PECR: variants seen among roughly 807,000 people sequenced by gnomAD.
The protein encoded by PECR is 2,4-dienoyl-CoA reductase-related protein.
PECR carries 30 observed loss-of-function variants against 35.3 expected under a neutral mutation model. The observed-to-expected ratio is 0.85, with a 90% CI of 0.64 to 1.15. The LOEUF (loss-of-function observed/expected upper bound fraction) is 1.15. PECR is among the 50% of genes most tolerant of loss of function. PECR has a pLI of 0.00. For missense variants in PECR, 392 were observed against 370.8 expected (o/e 1.06, Z -0.47); for synonymous variants, 148 against 138.9 (o/e 1.07, Z -0.46).
At chr2:216,034,138 G>C (rs1179113839), downstream of PECR, 2 of 152,206 alleles carry the variant, frequency 1.3e-5, no homozygotes, top group Non-Finnish European at 2.9e-5. Context: ...CCACTGCCCA[G>C]ACAGGCTGGT....
At chr2:216,035,075 A>G (rs760845268), downstream of PECR, among the ~76,000 whole-genome samples, 10 of 152,168 alleles carry the variant, frequency 6.6e-5, no homozygotes, top group Non-Finnish European at 1.2e-4. Context: ...CAGGACGGCC[A>G]GTCGACAAGT....
intron 4 of PECR, among the ~76,000 whole-genome samples, chr2:216,053,938 T>C (rs1312469399): frequency 6.6e-6 from 1 of 152,198 alleles, no homozygotes; most frequent in African/African-American, 2.4e-5. Flanking sequence ...CTTCCTGGTG[T>C]ATTGTTTTTC....
intron 4 of PECR, among the ~76,000 whole-genome samples, chr2:216,051,998 C>A (rs558812068): frequency 3.9e-4 from 60 of 152,230 alleles, no homozygotes; most frequent in African/African-American, 1.4e-3. Context: ...ACCAGCCTGG[C>A]CAACATGGTG....
intron 7 of PECR, 122 bp downstream of exon 7, chr2:216,043,782 G>T: frequency 1.5e-6 from 1 of 672,048 alleles, no homozygotes; most frequent in Non-Finnish European, 2.8e-6. Context: ...TAAACATTTT[G>T]TACATTTTGA....
intron 1 of PECR, among the ~76,000 whole-genome samples, chr2:216,075,062 G>A (rs184330243): frequency 1.4e-3 from 209 of 152,258 alleles, no homozygotes; most frequent in South Asian, 2.1e-3. Flanking sequence ...TTGGAGAGTC[G>A]CTTGTGGTGA....
chr2:216,040,935 A>G (rs1034206356), intron 7 of PECR, among the ~76,000 whole-genome samples: 1 of 152,190 alleles, frequency 6.6e-6, no homozygotes, highest in Non-Finnish European at 1.5e-5. Context: ...TATGAAATAA[A>G]TACTGTATGT....
At chr2:216,050,229 TA>T (rs989757221) in intron 5 of PECR, among the ~76,000 whole-genome samples, 31 of 150,660 alleles carry the variant, frequency 2.1e-4, no homozygotes, top group African/African-American at 6.1e-4. Context: ...CTCAAACATT[TA>T]AAAAAAAAAT....
intron 6 of PECR, among the ~76,000 whole-genome samples, chr2:216,048,384 TAAAA>T (rs71047969): frequency 2.3e-5 from 3 of 132,890 alleles, no homozygotes; most frequent in Admixed American, 7.7e-5. Context: ...CTTGTTTTCT[TAAAA>T]AAAAAAAAAA....
At chr2:216,051,699 GA>G (rs1331456001) in intron 4 of PECR, among the ~76,000 whole-genome samples, 154 bp from the exon 5 acceptor site, 1 of 152,138 alleles carries the variant, frequency 6.6e-6, no homozygotes, top group African/African-American at 2.4e-5. Context: ...AAACAACGAA[GA>G]AAAAACTATG....
At chr2:216,035,199 G>A (rs975207330), downstream of PECR, among the ~76,000 whole-genome samples, 29 of 152,234 alleles carry the variant, frequency 1.9e-4, no homozygotes, top group African/African-American at 7.0e-4. Flanking sequence ...GTGATGGAGA[G>A]ACATTGGAGG....
At chr2:216,076,611 C>T (rs1411303482) in intron 1 of PECR, among the ~76,000 whole-genome samples, 1 of 152,026 alleles carries the variant, frequency 6.6e-6, no homozygotes, top group Admixed American at 6.5e-5. Flanking sequence ...ACCAGCCTGG[C>T]CAACATAGTA....
intron 1 of PECR, among the ~76,000 whole-genome samples, chr2:216,077,461 C>T (rs993448798): frequency 3.3e-5 from 5 of 150,576 alleles, no homozygotes; most frequent in African/African-American, 1.2e-4. Flanking sequence ...GAGCCAAGAT[C>T]GCGCCACCGC....
intron 1 of PECR, among the ~76,000 whole-genome samples, chr2:216,069,870 A>C (rs945951500): frequency 6.7e-6 from 1 of 150,160 alleles, no homozygotes; most frequent in Non-Finnish European, 1.5e-5. Flanking sequence ...CAGGAGGCAG[A>C]GGTTGTAGTG....
chr2:216,039,374 G>C lies in PECR; in HGVS notation c.827-14C>G. On this transcript the variant is annotated splice_polypyrimidine_tract_variant and intron_variant, in intron 7 of 7. Transcript: ENST00000265322. The stretch of plus-strand genomic sequence containing the variant: ...AGTTGTCATGATCTGTTAAAGAAGT[G>C]GAAAGCCTCCTGTCACTTGCAAATC... 6.7e-7 allele frequency: 1 copy of C among 1,492,562 alleles called. No individual in the cohort carries two copies. The highest frequency in any genetic ancestry group is 9.4e-7 in the Non-Finnish European group (1 of 1,069,026). The allele number at this position is 1,492,562 out of a possible 1,614,324, so 92.5% of individuals were successfully genotyped here.
Position 216,030,307 on chromosome 2 carries a change from C to T in PECR, c.*440+8884G>A, listed in dbSNP as rs146951990. On this transcript the variant is annotated intron_variant and NMD_transcript_variant, in intron 7 of 7. Transcript: ENST00000442122. ...GTCTCTCTCAGTACAGGGCAGGGGT[C>T]GGGGCTCTGAAGCCAAACTCCTTTG... is the stretch of plus-strand genomic sequence containing the variant. Among the ~76,000 whole-genome samples, 175 of 152,208 alleles carry T rather than the reference C, an allele frequency of 1.1e-3. 2 individuals are homozygous for T. Among genetic ancestry groups the T allele is most frequent in the Middle Eastern group, 3.4e-3 (1 of 294 alleles).
At chr2:216,044,439 G>T (rs1022883525) in intron 6 of PECR, among the ~76,000 whole-genome samples, 12 of 152,150 alleles carry the variant, frequency 7.9e-5, no homozygotes, top group African/African-American at 1.9e-4. Flanking sequence ...AATAGTCAAT[G>T]TGTCTGTTTA....
At chr2:216,072,434 T>C (rs547789474) in intron 1 of PECR, among the ~76,000 whole-genome samples, 5 of 152,328 alleles carry the variant, frequency 3.3e-5, no homozygotes, top group African/African-American at 1.2e-4. Flanking sequence ...AAGTGTAGTT[T>C]TGTTACATGG....
At chr2:216,050,605 A>T (rs1695094267) in intron 5 of PECR, among the ~76,000 whole-genome samples, 2 of 152,172 alleles carry the variant, frequency 1.3e-5, no homozygotes, top group Admixed American at 1.3e-4. Context: ...TATTACAGAG[A>T]TAAGATCTAT....
intron 4 of PECR, among the ~76,000 whole-genome samples, chr2:216,054,309 A>G (rs1695181574): frequency 6.6e-6 from 1 of 150,720 alleles, no homozygotes; most frequent in South Asian, 2.1e-4. Flanking sequence ...AAAAAAAAAA[A>G]AGAAAAGTAG....
Sources: gnomAD v4.1 joint callset for allele counts (sites outside exome capture counted in the v4.1 genomes callset) on GRCh38, gnomAD v4.1.1 for gene constraint, MANE v1.5 for transcripts, NCBI Gene and HGNC (gene_info 2026-07-23, HGNC 2026-07-21) for gene names.